SGCD: variants seen among roughly 807,000 people sequenced by gnomAD.
The protein encoded by SGCD is delta-sarcoglycan.
A neutral mutation model predicts 36.6 loss-of-function variants in SGCD; 18 were observed. The observed-to-expected ratio is 0.49, with a 90% CI of 0.34 to 0.73. The LOEUF is 0.73. SGCD is among the 30% of genes least tolerant of loss of function. SGCD has a pLI of 0.01. For missense variants in SGCD, 387 were observed against 346.7 expected, an observed-to-expected ratio of 1.12 and a Z score of -0.92; for synonymous variants, 133 against 130.6, an observed-to-expected ratio of 1.02 and a Z score of -0.12.
At chr5:156,710,557 T>A (rs1754943268) in intron 7 of SGCD, among the ~76,000 whole-genome samples, 1 of 152,222 alleles carries the variant, frequency 6.6e-6, no homozygotes, top group Non-Finnish European at 1.5e-5. Flanking sequence ...TAGGGAGACA[T>A]GAGACATTAA....
At chr5:156,558,886 G>T (rs539962713) in intron 4 of SGCD, among the ~76,000 whole-genome samples, 7 of 152,122 alleles carry the variant, frequency 4.6e-5, no homozygotes, top group Non-Finnish European at 8.8e-5. Context: ...ACGATCAGGT[G>T]TTCTGACCTG....
intron 3 of SGCD, among the ~76,000 whole-genome samples, chr5:156,264,006 T>A (rs1272449302): frequency 6.6e-6 from 1 of 152,004 alleles, no homozygotes; most frequent in Non-Finnish European, 1.5e-5. Context: ...GCAAGTCTAG[T>A]GAAATTTCTG....
At chr5:156,078,345 C>G (rs1464093067) in intron 1 of SGCD, among the ~76,000 whole-genome samples, 1 of 151,312 alleles carries the variant, frequency 6.6e-6, no homozygotes, top group East Asian at 1.9e-4. Context: ...GAAACCCCGT[C>G]TCTACTAACA....
At chr5:156,747,895 G>T (rs2113125855) in intron 7 of SGCD, among the ~76,000 whole-genome samples, 1 of 152,204 alleles carries the variant, frequency 6.6e-6, no homozygotes, top group South Asian at 2.1e-4. Context: ...GAAGCTGCCT[G>T]TTCAAGAGAA....
intron 7 of SGCD, among the ~76,000 whole-genome samples, chr5:156,752,875 C>T (rs1473391310): frequency 5.3e-5 from 8 of 152,186 alleles, no homozygotes; most frequent in Admixed American, 2.0e-4. Flanking sequence ...GCATCTCCAT[C>T]GCCTCATTCA....
intron 7 of SGCD, among the ~76,000 whole-genome samples, chr5:156,663,371 C>G (rs1181671912): frequency 6.9e-6 from 1 of 144,188 alleles, no homozygotes; most frequent in Non-Finnish European, 1.5e-5. Flanking sequence ...GTCTACCAAC[C>G]CTTCAAACTG....
chr5:155,884,223 C>A (rs950493161), intron 1 of SGCD, among the ~76,000 whole-genome samples: 2 of 152,088 alleles, frequency 1.3e-5, no homozygotes, highest in Non-Finnish European at 2.9e-5. Flanking sequence ...GCTTACAGGC[C>A]TCTGCTTTTG....
chr5:156,149,233 C>T (rs1762777157), intron 3 of SGCD, among the ~76,000 whole-genome samples: 1 of 152,112 alleles, frequency 6.6e-6, no homozygotes, highest in South Asian at 2.1e-4. Flanking sequence ...CCTGTTCTCC[C>T]AAGCATTTAT....
intron 3 of SGCD, among the ~76,000 whole-genome samples, chr5:156,366,089 G>T (rs1770089305): frequency 6.6e-6 from 1 of 152,164 alleles, no homozygotes; most frequent in African/African-American, 2.4e-5. Context: ...CAAAATGAAG[G>T]CAACTTTGCA....
intron 3 of SGCD, among the ~76,000 whole-genome samples, chr5:156,433,462 C>T (rs973579123): frequency 1.3e-5 from 2 of 152,104 alleles, no homozygotes; most frequent in Middle Eastern, 3.2e-3. Context: ...GGTGGCTGAC[C>T]ACCTTGAAAC....
Position 156,057,360 on chromosome 5 carries a change from G to C in SGCD, c.-281-60518G>C, listed in dbSNP as rs1382406287. Among the ~76,000 whole-genome samples the C allele has an allele frequency of 1.4e-5, 2 of 146,350 alleles. 1 individual carries two copies. The highest frequency in any genetic ancestry group is 3.1e-5 in the Non-Finnish European group (2 of 64,944). ...GCAACAACCTAAAAGTCTATCATCA[G>C]GGTCAAATGAGGAATTATGTTAGTC... On this transcript the variant is annotated intron_variant, in intron 1 of 9. Coordinates refer to the SGCD transcript ENST00000517913.
chr5:156,009,899 A>G (rs867732693), intron 1 of SGCD, among the ~76,000 whole-genome samples: 2 of 152,198 alleles, frequency 1.3e-5, no homozygotes, highest in African/African-American at 2.4e-5. Context: ...CTAAATAGAC[A>G]TTTTTAAAAA....
chr5:155,759,251 C>CAT, the SGCD span, among the ~76,000 whole-genome samples: 1 of 152,122 alleles, frequency 6.6e-6, no homozygotes, highest in African/African-American at 2.4e-5. Flanking sequence ...TTTTCAGTAT[C>CAT]ATAGCTAAGG....
chr5:156,144,085 G>A (rs565738024), intron 3 of SGCD, among the ~76,000 whole-genome samples: 2 of 151,908 alleles, frequency 1.3e-5, no homozygotes, highest in Admixed American at 1.3e-4. Flanking sequence ...TTTTATGGCT[G>A]CATGGTATTC....
chr5:156,408,586 T>C (rs539651752), intron 3 of SGCD, among the ~76,000 whole-genome samples: 2 of 152,318 alleles, frequency 1.3e-5, no homozygotes, highest in Middle Eastern at 3.4e-3. Context: ...CTTGAGCTCC[T>C]GACCTCAGGT....
chr5:156,276,805 G>C (rs1561596635), intron 3 of SGCD, among the ~76,000 whole-genome samples: 1 of 152,022 alleles, frequency 6.6e-6, no homozygotes. Flanking sequence ...ACATTAGCTA[G>C]CAAAATTAAT....
intron 1 of SGCD, among the ~76,000 whole-genome samples, chr5:156,084,831 C>T (rs905404362): frequency 1.8e-4 from 28 of 152,220 alleles, no homozygotes; most frequent in Middle Eastern, 6.8e-3. Flanking sequence ...CAGGTTTTTC[C>T]GTGGATTCCT....
chr5:155,810,834 T>C, the SGCD span, among the ~76,000 whole-genome samples: 5 of 84,400 alleles, frequency 5.9e-5, no homozygotes, highest in South Asian at 1.7e-3. Flanking sequence ...TTTTTTTTTT[T>C]TGAGACGGAG....
the SGCD span, among the ~76,000 whole-genome samples, chr5:155,837,879 G>T: frequency 1.3e-5 from 2 of 152,034 alleles, no homozygotes; most frequent in African/African-American, 4.8e-5. Flanking sequence ...TTGCATTTGG[G>T]GACCTCAAAA....
Sources: allele counts gnomAD v4.1 joint callset (sites outside exome capture counted in the v4.1 genomes callset), GRCh38; gene constraint gnomAD v4.1.1; transcripts MANE v1.5; gene names NCBI Gene and HGNC (gene_info 2026-07-23, HGNC 2026-07-21).